PTPRM: variants seen among roughly 807,000 people sequenced by gnomAD.
PTPRM encodes the protein receptor-type tyrosine-protein phosphatase mu.
In PTPRM, 47 loss-of-function variants were observed where a neutral mutation model predicts 186.7. The observed-to-expected ratio is 0.25, with a 90% CI of 0.20 to 0.32. PTPRM has a LOEUF of 0.32. PTPRM is among the 10% of genes least tolerant of loss of function. PTPRM has a pLI of 1.00. For synonymous variants in PTPRM, 668 were observed against 674.9 expected (o/e 0.99, Z 0.16); for missense variants, 1,494 against 1,865.0 (o/e 0.80, Z 3.66).
intron 19 of PTPRM, among the ~76,000 whole-genome samples, chr18:8,259,296 T>G (rs7235078): frequency 0.19 from 28,915 of 152,156 alleles, 2,960 homozygotes; most frequent in Middle Eastern, 0.27. Flanking sequence ...ACAAACACTG[T>G]TAATTAATTT....
intron 20 of PTPRM, among the ~76,000 whole-genome samples, chr18:8,307,351 C>A (rs2095232579): frequency 6.6e-6 from 1 of 152,196 alleles, no homozygotes; most frequent in Non-Finnish European, 1.5e-5. Flanking sequence ...GCGTTCTCCA[C>A]CCCAACTGGA....
At chr18:7,855,896 T>A (rs1010183173) in intron 2 of PTPRM, among the ~76,000 whole-genome samples, 10 of 152,308 alleles carry the variant, frequency 6.6e-5, no homozygotes, top group Admixed American at 6.5e-4. Flanking sequence ...CTGAAAATAG[T>A]ATCCCACAGC....
intron 1 of PTPRM, among the ~76,000 whole-genome samples, chr18:7,631,053 C>A (rs2038179515): frequency 6.6e-6 from 1 of 152,170 alleles, no homozygotes; most frequent in South Asian, 2.1e-4. Context: ...CGGCCAGAAA[C>A]ATTTTCCCTC....
chr18:7,839,693 T>G (rs2145820119), intron 2 of PTPRM, among the ~76,000 whole-genome samples: 1 of 152,268 alleles, frequency 6.6e-6, no homozygotes, highest in Non-Finnish European at 1.5e-5. Flanking sequence ...TTAGCTGCCC[T>G]TGGGGATGTC....
rs577386604 is a variant in PTPRM, at chr18:7,682,973, A to G, written c.74-91176A>G. 5.3e-5 allele frequency among the ~76,000 whole-genome samples: 8 copies of G among 152,204 alleles called. No homozygotes were observed. In the South Asian group the frequency reaches 1.2e-3, roughly 24 times the overall value. ...AAATTTAAGAGTAAAAAGCCAGTTT[A>G]TAAGAGAGAAGCTTGTTCCTTGTTT... On this transcript the variant is annotated intron_variant, in intron 1 of 32. Transcript: ENST00000580170.
At chr18:7,570,876 A>G (rs1274492963) in intron 1 of PTPRM, among the ~76,000 whole-genome samples, 1 of 151,984 alleles carries the variant, frequency 6.6e-6, no homozygotes, top group Non-Finnish European at 1.5e-5. Flanking sequence ...CTGGAAAAGT[A>G]TTAGGATTTG....
At chr18:8,189,139 A>G (rs2093678016) in intron 14 of PTPRM, among the ~76,000 whole-genome samples, 1 of 152,008 alleles carries the variant, frequency 6.6e-6, no homozygotes, top group Admixed American at 6.6e-5. Flanking sequence ...CATCTCTACA[A>G]AAAATAAATT....
At chr18:7,716,533 C>G (rs993819582) in intron 1 of PTPRM, among the ~76,000 whole-genome samples, 1 of 152,304 alleles carries the variant, frequency 6.6e-6, no homozygotes, top group African/African-American at 2.4e-5. Context: ...AAGAAACTAT[C>G]AGAGTGAACA....
chr18:7,672,222 T>G (rs1214810007), intron 1 of PTPRM, among the ~76,000 whole-genome samples: 1 of 152,210 alleles, frequency 6.6e-6, no homozygotes, highest in Non-Finnish European at 1.5e-5. Context: ...TAACTGAAGT[T>G]TAGCAAAAAC....
At chr18:7,985,076 T>A (rs1450551454) in intron 7 of PTPRM, among the ~76,000 whole-genome samples, 1 of 126,926 alleles carries the variant, frequency 7.9e-6, no homozygotes, top group African/African-American at 3.0e-5. Context: ...TGTATATACA[T>A]ATATAAATAT....
chr18:7,866,643 C>T (rs1271560022), intron 2 of PTPRM, among the ~76,000 whole-genome samples: 1 of 152,128 alleles, frequency 6.6e-6, no homozygotes, highest in Non-Finnish European at 1.5e-5. Context: ...TGATGTGCTG[C>T]TGAGAAAAAT....
chr18:8,107,346 A>G (rs1166932214), intron 11 of PTPRM, among the ~76,000 whole-genome samples: 2 of 152,156 alleles, frequency 1.3e-5, no homozygotes, highest in Admixed American at 6.6e-5. Flanking sequence ...GCCTGAGCCT[A>G]ATGTTCTAGT....
intron 32 of PTPRM, among the ~76,000 whole-genome samples, chr18:8,401,556 G>C (rs1318886560): frequency 6.6e-6 from 1 of 152,212 alleles, no homozygotes; most frequent in Non-Finnish European, 1.5e-5. Context: ...AAATCATAGA[G>C]CTTGCCTTAG....
chr18:8,250,481 T>TA (rs1297574164), intron 17 of PTPRM, among the ~76,000 whole-genome samples: 1 of 151,802 alleles, frequency 6.6e-6, no homozygotes, highest in Non-Finnish European at 1.5e-5. Context: ...TATTTTTAAT[T>TA]AAAAAAAATG....
chr18:8,253,369 A>G lies in PTPRM; in HGVS notation c.2709A>G (p.Thr903=). The change falls in exon 19 of 33, where the codon ACA becomes ACG. Residue 903 remains threonine (T), a synonymous_variant. Transcript: ENST00000580170. The stretch of plus-strand genomic sequence containing the variant: ...TGGCAGACCTCCTTCAGCACATCAC[A>G]CAGATGAAGTGTGCGGAGGGCTACG... The part of the protein sequence containing the change: ...IRVADLLQHI[T]QMKCAEGYGF... The G allele has an allele frequency of 6.3e-7, 1 of 1,588,276 alleles. No individual in the cohort carries two copies. Among genetic ancestry groups the G allele is most frequent in the East Asian group, 2.3e-5 (1 of 42,616 alleles).
chr18:7,668,413 A>C lies in PTPRM; in HGVS notation c.73+100522A>C, dbSNP rs577397931. ...TTATGTAGCTCTCAGCTGCAACGGT[A>C]TTTAACACGTTTTACACATTTTTGT... is the stretch of plus-strand genomic sequence containing the variant. On this transcript the variant is annotated intron_variant, in intron 1 of 32. Coordinates refer to ENST00000580170, the MANE Select transcript of PTPRM (RefSeq NM_001105244.2). The surrounding 1 kb of genome is among the most constrained non-coding windows in gnomAD (Gnocchi z 4.7). 6.6e-6 allele frequency among the ~76,000 whole-genome samples: 1 copy of C among 152,314 alleles called. No homozygotes were observed. Among genetic ancestry groups the C allele is most frequent in the South Asian group, 2.1e-4 (1 of 4,826 alleles).
chr18:7,792,382 G>A (rs2043383976), intron 2 of PTPRM, among the ~76,000 whole-genome samples: 1 of 152,114 alleles, frequency 6.6e-6, no homozygotes, highest in South Asian at 2.1e-4. Flanking sequence ...CCCAGAAGGT[G>A]CATGAAGAGC....
chr18:7,796,262 G>C (rs1598754940), intron 2 of PTPRM, among the ~76,000 whole-genome samples: 1 of 152,064 alleles, frequency 6.6e-6, no homozygotes, highest in African/African-American at 2.4e-5. Flanking sequence ...GTGGATGGCA[G>C]GTGCCCCTTA....
chr18:8,076,830 A>T (rs1034351828), intron 9 of PTPRM, among the ~76,000 whole-genome samples: 2 of 152,158 alleles, frequency 1.3e-5, no homozygotes, highest in South Asian at 4.1e-4. Flanking sequence ...ACATTTAAAA[A>T]TTACCTTTAT....
Sources: allele counts gnomAD v4.1 joint callset (sites outside exome capture counted in the v4.1 genomes callset), GRCh38; gene constraint gnomAD v4.1.1; non-coding constraint Gnocchi (gnomAD v3.1); transcripts MANE v1.5; gene names NCBI Gene and HGNC (gene_info 2026-07-23, HGNC 2026-07-21).